Variants in CACNA2D3 observed in about 807,000 individuals in gnomAD.
CACNA2D3 encodes the protein calcium voltage-gated channel auxiliary subunit alpha2delta 3, also known as voltage-dependent calcium channel subunit alpha-2/delta-3.
CACNA2D3 carries 60 observed loss-of-function variants against 160.6 expected under a neutral mutation model. The ratio of observed to expected loss-of-function variants is 0.37; its 90% confidence interval spans 0.30 to 0.46. CACNA2D3 has a LOEUF of 0.46. Among genes scored for constraint, CACNA2D3 ranks in the 20% least tolerant of loss-of-function variants. The pLI is 1.00. For missense variants in CACNA2D3, 1,205 were observed against 1,365.0 expected, an observed-to-expected ratio of 0.88 and a Z score of 1.85; for synonymous variants, 558 against 492.9, an observed-to-expected ratio of 1.13 and a Z score of -1.75.
intron 2 of CACNA2D3, among the ~76,000 whole-genome samples, chr3:54,246,082 A>T (rs1261597717): frequency 6.6e-6 from 1 of 152,242 alleles, no homozygotes; most frequent in East Asian, 1.9e-4. Context: ...TTTGCTGTTC[A>T]CTACCAGACA....
intron 29 of CACNA2D3, among the ~76,000 whole-genome samples, chr3:54,978,490 G>A (rs1159537503): frequency 6.6e-6 from 1 of 152,192 alleles, no homozygotes; most frequent in Non-Finnish European, 1.5e-5. Flanking sequence ...TCCGAGTTCT[G>A]ACAAAAGATG....
At chr3:54,213,692 A>C (rs1701416567) in intron 2 of CACNA2D3, among the ~76,000 whole-genome samples, 1 of 152,250 alleles carries the variant, frequency 6.6e-6, no homozygotes, top group African/African-American at 2.4e-5. Context: ...CAGGGGACAG[A>C]GTAAAATAGC....
intron 11 of CACNA2D3, among the ~76,000 whole-genome samples, chr3:54,652,288 G>T (rs962003630): frequency 6.6e-6 from 1 of 152,178 alleles, no homozygotes; most frequent in African/African-American, 2.4e-5. Context: ...CATGCAACAG[G>T]TATTTATTGA....
intron 11 of CACNA2D3, among the ~76,000 whole-genome samples, chr3:54,732,088 A>G (rs1701400746): frequency 6.6e-6 from 1 of 152,152 alleles, no homozygotes; most frequent in Non-Finnish European, 1.5e-5. Flanking sequence ...TTTCTCTTAC[A>G]GGGAGAGGAA....
At chr3:54,766,713 G>A (rs1276915562) in intron 13 of CACNA2D3, among the ~76,000 whole-genome samples, 1 of 152,044 alleles carries the variant, frequency 6.6e-6, no homozygotes, top group African/African-American at 2.4e-5. Flanking sequence ...ATAAGAGATT[G>A]AATAGACTAT....
chr3:54,969,506 C>G (rs1702225352), intron 28 of CACNA2D3, among the ~76,000 whole-genome samples: 1 of 152,074 alleles, frequency 6.6e-6, no homozygotes, highest in African/African-American at 2.4e-5. Context: ...GTGATCTGCC[C>G]TCCTTGGCCT....
At chr3:54,233,372 G>A (rs960485781) in intron 2 of CACNA2D3, among the ~76,000 whole-genome samples, 9 of 152,184 alleles carry the variant, frequency 5.9e-5, no homozygotes, top group Admixed American at 4.6e-4. Context: ...CATAGAAAGG[G>A]TTACCAGTTA....
At chr3:54,708,958 A>G (rs1575433778) in intron 11 of CACNA2D3, among the ~76,000 whole-genome samples, 1 of 148,560 alleles carries the variant, frequency 6.7e-6, no homozygotes, top group South Asian at 2.1e-4. Context: ...TTAAATAACT[A>G]TTTTTTACAT....
intron 35 of CACNA2D3, among the ~76,000 whole-genome samples, chr3:55,021,681 A>ATATATATATGTGTGTATATATATATGTG (rs1703457322): frequency 1.7e-5 from 1 of 58,392 alleles, no homozygotes; most frequent in African/African-American, 6.5e-5. Context: ...ATATATGTGT[A>ATATATATATGTGTGTATATATATATGTG]TATATATATA....
intron 12 of CACNA2D3, among the ~76,000 whole-genome samples, chr3:54,753,917 A>G (rs1284439010): frequency 3.3e-5 from 5 of 152,196 alleles, no homozygotes; most frequent in African/African-American, 1.2e-4. Context: ...TTTCAAGTAT[A>G]TAACACATTG....
At chr3:54,628,732 A>G (rs1053376488) in intron 10 of CACNA2D3, among the ~76,000 whole-genome samples, 2 of 152,158 alleles carry the variant, frequency 1.3e-5, no homozygotes, top group African/African-American at 4.8e-5. Flanking sequence ...AAGGGATGGA[A>G]AAGCTGAGAA....
At chr3:54,671,931 A>G (rs749381009) in intron 11 of CACNA2D3, among the ~76,000 whole-genome samples, 4 of 152,214 alleles carry the variant, frequency 2.6e-5, no homozygotes, top group Non-Finnish European at 4.4e-5. Flanking sequence ...TGGGGTCACA[A>G]AAGCACAGCA....
intron 27 of CACNA2D3, among the ~76,000 whole-genome samples, chr3:54,939,446 T>G (rs1040130437): frequency 2.6e-5 from 4 of 152,158 alleles, no homozygotes; most frequent in African/African-American, 9.7e-5. Context: ...TGTGGAGAAA[T>G]GCAAAAGAAG....
At chr3:55,052,178 TCCTCTTTGA>T (rs1312813935) in intron 35 of CACNA2D3, among the ~76,000 whole-genome samples, 2 of 152,174 alleles carry the variant, frequency 1.3e-5, no homozygotes, top group Non-Finnish European at 2.9e-5. Context: ...CCTTATGGCT[TCCTCTTTGA>T]CCTTGAGGTT....
intron 13 of CACNA2D3, among the ~76,000 whole-genome samples, chr3:54,810,559 T>G (rs1703280078): frequency 6.6e-6 from 1 of 152,188 alleles, no homozygotes; most frequent in South Asian, 2.1e-4. Context: ...GATTGATCAT[T>G]CATTCATGAG....
At chr3:54,626,201 G>T (rs1699096617) in intron 9 of CACNA2D3, 8 of 806,406 alleles carry the variant, frequency 9.9e-6, no homozygotes, top group Non-Finnish European at 1.5e-5. Context: ...GCTCTTTTCT[G>T]AGGATCCGGC....
Position 54,478,660 on chromosome 3 carries a change from G to GTGTA in CACNA2D3, c.382-24831_382-24830insGTAT. Among the ~76,000 whole-genome samples, 37 of 36,348 alleles carry GTGTA rather than the reference G, an allele frequency of 1.0e-3. 1 individual carries two copies. The highest frequency in any genetic ancestry group is 1.5e-3 in the Admixed American group (4 of 2,644). 23.8% of individuals were successfully genotyped at this position (36,348 alleles called of 152,430 possible). A position where few individuals can be genotyped will look rare whatever the true frequency, so the allele number is the denominator to read the frequency against. On this transcript the variant is annotated intron_variant, in intron 4 of 37. Transcript: ENST00000474759. ...AAAATATATATATAAATATGTGTGTGTATATATATATATATATATTGCTTG... is the reference window on the plus strand; with the variant it reads ...AAAATATATATATAAATATGTGTGTGTGTATATATATATATATATATATTGCTTG...
intron 13 of CACNA2D3, among the ~76,000 whole-genome samples, chr3:54,814,451 G>A (rs1703404980): frequency 6.6e-6 from 1 of 152,240 alleles, no homozygotes; most frequent in Non-Finnish European, 1.5e-5. Context: ...CTGCACGCAA[G>A]TCATGAATGC....
intron 2 of CACNA2D3, among the ~76,000 whole-genome samples, chr3:54,286,956 C>G (rs1238229496): frequency 1.3e-5 from 2 of 152,196 alleles, no homozygotes; most frequent in African/African-American, 4.8e-5. Flanking sequence ...ACAACCAGTA[C>G]CAGCCACTGC....
Sources: allele counts gnomAD v4.1 joint callset (sites outside exome capture counted in the v4.1 genomes callset), GRCh38; gene constraint gnomAD v4.1.1; transcripts MANE v1.5; gene names NCBI Gene and HGNC (gene_info 2026-07-23, HGNC 2026-07-21).